ANK2: variants seen among roughly 807,000 people sequenced by gnomAD.
ANK2 encodes the protein ankyrin 2, also known as ankyrin-2.
In ANK2, 83 loss-of-function variants were observed where a neutral mutation model predicts 360.5. That is an observed-to-expected ratio of 0.23 (90% CI 0.19 to 0.28). ANK2 has a LOEUF of 0.28. Ranked by LOEUF, ANK2 falls within the 10% of genes least tolerant of loss-of-function variation. The pLI, the probability that ANK2 is intolerant of heterozygous loss-of-function variation, is 1.00. For synonymous variants in ANK2, 1,740 were observed against 1,759.5 expected (o/e 0.99, Z 0.28); for missense variants, 4,201 against 4,795.7 (o/e 0.88, Z 3.66).
At chr4:112,776,361 C>T in the ANK2 span, among the ~76,000 whole-genome samples, 1 of 152,114 alleles carries the variant, frequency 6.6e-6, no homozygotes, top group African/African-American at 2.4e-5. Context: ...GAAAATGTGA[C>T]AAGACAAAAA....
chr4:112,865,087 A>G (rs1327921199), intron 1 of ANK2, among the ~76,000 whole-genome samples: 4 of 140,200 alleles, frequency 2.9e-5, no homozygotes, highest in Admixed American at 2.2e-4. Context: ...GAAACCAGAG[A>G]TTCATTGGTC....
chr4:113,209,640 G>A (rs2098998153), intron 4 of ANK2, among the ~76,000 whole-genome samples: 1 of 151,988 alleles, frequency 6.6e-6, no homozygotes, highest in Admixed American at 6.5e-5. Flanking sequence ...TGACCTCCCT[G>A]ATGGCTTGCA....
chr4:112,747,738 A>G, the ANK2 span, among the ~76,000 whole-genome samples: 1 of 152,218 alleles, frequency 6.6e-6, no homozygotes, highest in African/African-American at 2.4e-5. Flanking sequence ...AAGGTGGGAA[A>G]GGGTGACAGG....
intron 1 of ANK2, among the ~76,000 whole-genome samples, chr4:113,168,913 A>G (rs1036232414): frequency 5.3e-5 from 8 of 152,174 alleles, no homozygotes. Flanking sequence ...CAGCATCTTC[A>G]TCACTGGTGA....
chr4:113,350,547 C>A lies in ANK2; in HGVS notation c.4426+298C>A, dbSNP rs897788397. 2.6e-5 allele frequency: 8 copies of A among 312,898 alleles called. No individual in the cohort carries two copies. In the South Asian group the frequency reaches 3.5e-4, roughly 14 times the overall value. 19.4% of individuals were successfully genotyped at this position (312,898 alleles called of 1,614,324 possible). ...ATGCTTGTTTAGAAACCCACCCTACCGTTTTGTCCATTTGTTAGCAAAACA... is the reference window on the plus strand; with the variant it reads ...ATGCTTGTTTAGAAACCCACCCTACAGTTTTGTCCATTTGTTAGCAAAACA... On this transcript the variant is annotated intron_variant, in intron 37 of 45. Transcript: ENST00000357077.
At position 113,287,836 on chromosome 4, in the gene ANK2, C is replaced by G. The variant is rs2065477886; in HGVS notation, c.2178+133C>G. On this transcript the variant is annotated intron_variant, in intron 19 of 45. Coordinates refer to ENST00000357077, the MANE Select transcript of ANK2 (RefSeq NM_001148.6). ...TTCTGAAATATAAACTAATCATAAC[C>G]CTCTCCTATGCACAAATCTATGGTG... 6.4e-6 allele frequency: 5 copies of G among 777,892 alleles called. No homozygotes were observed. In the Admixed American group the frequency reaches 8.1e-5, roughly 13 times the overall value. The allele number at this position is 777,892 out of a possible 1,614,324, so 48.2% of individuals were successfully genotyped here.
intron 18 of ANK2, 24 bp downstream of exon 18, chr4:113,282,896 A>T (rs201722327): frequency 7.4e-6 from 12 of 1,611,966 alleles, no homozygotes; most frequent in Non-Finnish European, 8.5e-6. Flanking sequence ...TCTTGCATCA[A>T]TCAAGAGTGT....
intron 1 of ANK2, among the ~76,000 whole-genome samples, chr4:113,137,217 A>G (rs7664927): frequency 0.15 from 23,502 of 152,224 alleles, 2,913 homozygotes; most frequent in East Asian, 0.54. Flanking sequence ...GCTAAGGCGC[A>G]TGACAAATGG....
intron 24 of ANK2, among the ~76,000 whole-genome samples, chr4:113,315,587 G>C (rs1374402100): frequency 6.6e-6 from 1 of 152,134 alleles, no homozygotes. Context: ...ACAAAATAAA[G>C]GTGAATAGAA....
chr4:112,878,173 T>C (rs921114549), intron 1 of ANK2, among the ~76,000 whole-genome samples: 5 of 151,740 alleles, frequency 3.3e-5, no homozygotes, highest in Non-Finnish European at 7.4e-5. Context: ...TATCTATCTA[T>C]CTATCTATCT....
intron 1 of ANK2, among the ~76,000 whole-genome samples, chr4:113,129,590 T>G (rs1031960939): frequency 6.6e-6 from 1 of 152,218 alleles, no homozygotes; most frequent in African/African-American, 2.4e-5. Context: ...ATTATTTGAG[T>G]AAATAGCACA....
chr4:113,194,343 C>G (rs33957486), intron 2 of ANK2, among the ~76,000 whole-genome samples: 59,305 of 151,876 alleles, frequency 0.39, 11,867 homozygotes, highest in Non-Finnish European at 0.43. Context: ...CAGAAACACT[C>G]AAATGGTTCC....
At chr4:112,805,374 C>G in the ANK2 span, among the ~76,000 whole-genome samples, 1 of 152,088 alleles carries the variant, frequency 6.6e-6, no homozygotes, top group South Asian at 2.1e-4. Flanking sequence ...GGTTGCCTAC[C>G]TTTGTACCAG....
chr4:112,732,281 G>T, the ANK2 span, among the ~76,000 whole-genome samples: 3 of 149,844 alleles, frequency 2.0e-5, no homozygotes, highest in African/African-American at 4.9e-5. Context: ...ACAGGGTCTG[G>T]CCCTGTTGCC....
chr4:113,192,585 A>G (rs1388823301), intron 2 of ANK2, among the ~76,000 whole-genome samples: 2 of 152,154 alleles, frequency 1.3e-5, no homozygotes, highest in African/African-American at 4.8e-5. Context: ...AATCAGATAG[A>G]TCTGAGTTTG....
chr4:113,109,773 G>A (rs1403373447), intron 1 of ANK2, among the ~76,000 whole-genome samples: 10 of 152,090 alleles, frequency 6.6e-5, no homozygotes, highest in Non-Finnish European at 1.3e-4. Context: ...AGTATTTCTA[G>A]TTTGTTTCAG....
Position 113,358,857 on chromosome 4 carries a change from A to G in ANK2, c.10239A>G (p.Thr3413=), listed in dbSNP as rs1447097961. 3.1e-6 allele frequency: 5 copies of G among 1,614,142 alleles called. No individual in the cohort carries two copies. The East Asian group carries it at 6.7e-5, about 22-fold the overall frequency. The change falls in exon 38 of 46, where the codon ACA becomes ACG. Residue 3413 remains threonine (T), a synonymous_variant. Coordinates refer to ENST00000357077, the MANE Select transcript of ANK2 (RefSeq NM_001148.6). ...CPVKTRSYTE[T]ETESRERAEE... The stretch of plus-strand genomic sequence containing the variant: ...TAAAAACCCGAAGTTACACTGAGAC[A>G]GAAACAGAGAGCAGAGAGAGGGCCG...
At chr4:112,927,933 A>G (rs1487337640) in intron 2 of ANK2, among the ~76,000 whole-genome samples, 1 of 152,208 alleles carries the variant, frequency 6.6e-6, no homozygotes, top group Admixed American at 6.5e-5. Flanking sequence ...CTGTCACTAG[A>G]TACTTTCCGT....
chr4:113,282,787 C>T lies in ANK2; in HGVS notation c.1994C>T (p.Pro665Leu). The T allele has an allele frequency of 6.2e-7, 1 of 1,613,998 alleles. No homozygotes were observed. The highest frequency in any genetic ancestry group is 1.7e-5 in the Admixed American group (1 of 59,982). ...ATTGTGACAAAGCAAGGAGTAACTC[C>T]ACTCCATCTGGCCTCGCAGGAGGGG... ...TNIVTKQGVT[P>L]LHLASQEGHT... Residue 665 changes from proline (P) to leucine (L), a missense_variant, in exon 18 of 46, where the codon CCA becomes CTA. Coordinates refer to ENST00000357077, the MANE Select transcript of ANK2 (RefSeq NM_001148.6).
Sources: allele counts gnomAD v4.1 joint callset (sites outside exome capture counted in the v4.1 genomes callset), GRCh38; gene constraint gnomAD v4.1.1; transcripts MANE v1.5; gene names NCBI Gene and HGNC (gene_info 2026-07-23, HGNC 2026-07-21).